The following CLCN3 variants were observed in gnomAD, a reference collection of about 807,000 sequenced individuals.
The protein encoded by CLCN3 is H(+)/Cl(-) exchange transporter 3.
In CLCN3, 16 loss-of-function variants were observed where a neutral mutation model predicts 83.4. That is an observed-to-expected ratio of 0.19 (90% CI 0.13 to 0.29). The LOEUF (loss-of-function observed/expected upper bound fraction) is 0.29. Among genes scored for constraint, CLCN3 ranks in the 10% least tolerant of loss-of-function variants. The pLI is 1.00. For missense variants in CLCN3, 544 were observed against 1,006.0 expected (o/e 0.54, Z 6.21); for synonymous variants, 322 against 346.2 (o/e 0.93, Z 0.78).
chr4:169,681,015 G>A (rs1731916032), intron 3 of CLCN3, among the ~76,000 whole-genome samples: 1 of 151,928 alleles, frequency 6.6e-6, no homozygotes, highest in South Asian at 2.1e-4. Context: ...TGCCTGGCTA[G>A]TTTTTATACA....
rs556220177 is a variant in CLCN3 at position 169,670,534 on chromosome 4, G to A, written c.161-9516G>A. Among the ~76,000 whole-genome samples the A allele has an allele frequency of 1.8e-4, 28 of 152,280 alleles. 1 individual carries two copies. The South Asian group carries it at 5.8e-3, about 32-fold the overall frequency. The stretch of plus-strand genomic sequence containing the variant: ...GTTACTGAGCCTTGTAGTATAGTTT[G>A]AAGTCAGGTAGTATGATGCCTCCAG... On this transcript the variant is annotated intron_variant, in intron 2 of 12. Transcript: ENST00000513761.
chr4:169,710,645 A>G (rs1184760865), intron 11 of CLCN3, among the ~76,000 whole-genome samples: 1 of 152,234 alleles, frequency 6.6e-6, no homozygotes, highest in Non-Finnish European at 1.5e-5. Context: ...TATAAGAGAA[A>G]CATTCCATTA....
chr4:169,675,877 A>G (rs55638949), intron 2 of CLCN3, among the ~76,000 whole-genome samples: 19,888 of 152,126 alleles, frequency 0.13, 1,456 homozygotes, highest in East Asian at 0.17. Flanking sequence ...TCATTGCTCT[A>G]TTTACTTAAA....
At chr4:169,680,958 C>T (rs1486823661) in intron 3 of CLCN3, among the ~76,000 whole-genome samples, 2 of 152,168 alleles carry the variant, frequency 1.3e-5, no homozygotes, top group Non-Finnish European at 2.9e-5. Context: ...AAGCGATGCT[C>T]CTGCCTCAGC....
intron 12 of CLCN3, 27 bp from the exon 13 acceptor site, chr4:169,719,880 T>C (rs1308839089): frequency 8.3e-6 from 13 of 1,572,544 alleles, no homozygotes; most frequent in Non-Finnish European, 1.1e-5. Flanking sequence ...TTTTATTTCA[T>C]AGGAGTCTTC....
intron 11 of CLCN3, among the ~76,000 whole-genome samples, chr4:169,708,105 G>A (rs1211037693): frequency 6.6e-6 from 1 of 152,156 alleles, no homozygotes; most frequent in East Asian, 1.9e-4. Context: ...ACCCTGAATG[G>A]AAGTGTCAAG....
At chr4:169,692,066 C>T in intron 6 of CLCN3, 48 bp from the exon 7 acceptor site, 1 of 1,174,692 alleles carries the variant, frequency 8.5e-7, no homozygotes, top group Non-Finnish European at 1.3e-6. Flanking sequence ...TCGTTACATT[C>T]TCATGTTTCT....
intron 2 of CLCN3, among the ~76,000 whole-genome samples, chr4:169,644,834 G>A (rs1199459725): frequency 6.6e-6 from 1 of 152,144 alleles, no homozygotes; most frequent in Non-Finnish European, 1.5e-5. Context: ...CTTAAAAGAG[G>A]GAGGCAGGAG....
chr4:169,681,734 C>T (rs1050476359), intron 3 of CLCN3, among the ~76,000 whole-genome samples: 1 of 152,046 alleles, frequency 6.6e-6, no homozygotes, highest in African/African-American at 2.4e-5. Flanking sequence ...TTAAAAATAA[C>T]AGTAACAAAA....
chr4:169,686,653 G>C (rs1267032826), intron 3 of CLCN3, among the ~76,000 whole-genome samples: 2 of 152,156 alleles, frequency 1.3e-5, no homozygotes, highest in Non-Finnish European at 2.9e-5. Context: ...CTGACCTCGT[G>C]ATCCACCTGC....
At chr4:169,660,933 T>G (rs1362827850) in intron 2 of CLCN3, among the ~76,000 whole-genome samples, 1 of 152,196 alleles carries the variant, frequency 6.6e-6, no homozygotes, top group Non-Finnish European at 1.5e-5. Context: ...TTTAGAACAT[T>G]TTAAAATGAT....
intron 2 of CLCN3, among the ~76,000 whole-genome samples, chr4:169,654,408 G>T (rs1055255542): frequency 6.6e-6 from 1 of 151,672 alleles, no homozygotes; most frequent in African/African-American, 2.4e-5. Context: ...ATTAATTTCT[G>T]ATCTTCTACT....
At chr4:169,672,705 C>T (rs1374750274) in intron 2 of CLCN3, among the ~76,000 whole-genome samples, 1 of 151,984 alleles carries the variant, frequency 6.6e-6, no homozygotes, top group Admixed American at 6.6e-5. Flanking sequence ...GCTCTGTCAC[C>T]CAGGCTAGAG....
intron 9 of CLCN3, among the ~76,000 whole-genome samples, chr4:169,700,877 C>G (rs1732759685): frequency 6.6e-6 from 1 of 152,102 alleles, no homozygotes; most frequent in Non-Finnish European, 1.5e-5. Flanking sequence ...CTAAAAAATG[C>G]TAATAGTAAT....
rs527627029 is a variant in CLCN3, at chr4:169,620,635, A to G, written c.-445A>G. 7 of 397,120 alleles carry G rather than the reference A, an allele frequency of 1.8e-5. No individual in the cohort carries two copies. The highest frequency in any genetic ancestry group is 2.8e-4 in the South Asian group (2 of 7,082). The allele number at this position is 397,120 out of a possible 1,614,324, so 24.6% of individuals were successfully genotyped here. ...GTCCGGAACCTGCAGCCCCTTTCCC[A>G]GTGTTCTAGTTCGCCCGTGACCCGG... On this transcript the variant is annotated 5_prime_UTR_variant, in exon 1 of 13. Transcript: ENST00000513761.
At chr4:169,682,387 C>G (rs1036426630) in intron 3 of CLCN3, among the ~76,000 whole-genome samples, 3 of 152,126 alleles carry the variant, frequency 2.0e-5, no homozygotes, top group Non-Finnish European at 4.4e-5. Context: ...AACAAATACA[C>G]ATTTATTTAA....
At chr4:169,636,128 T>A (rs778937013) in intron 2 of CLCN3, 40 bp downstream of exon 2, 2 of 1,534,622 alleles carry the variant, frequency 1.3e-6, no homozygotes, top group African/African-American at 2.8e-5. Flanking sequence ...TATTCATGAA[T>A]ATCCACTAAT....
rs1469236948 is a variant in CLCN3 at position 169,720,675 on chromosome 4, G to A, written c.*678G>A. 6.6e-6 allele frequency: 1 copy of A among 152,508 alleles called. No homozygotes were observed. Among genetic ancestry groups the A allele is most frequent in the Admixed American group, 6.6e-5 (1 of 15,260 alleles). 9.4% of individuals were successfully genotyped at this position (152,508 alleles called of 1,614,324 possible). ...TCATCACAAGAAGGGAGTGTTTCTT[G>A]TGCCATTAACCATGTAGTTTGTACC... On this transcript the variant is annotated 3_prime_UTR_variant, in exon 13 of 13. Transcript: ENST00000513761.
chr4:169,698,401 G>GTC (rs111838822), intron 9 of CLCN3, among the ~76,000 whole-genome samples: 1 of 151,946 alleles, frequency 6.6e-6, no homozygotes, highest in Non-Finnish European at 1.5e-5. Context: ...CACTCCCGCT[G>GTC]TCTCTCTCTC....
Sources: gnomAD v4.1 joint callset for allele counts (sites outside exome capture counted in the v4.1 genomes callset) on GRCh38, gnomAD v4.1.1 for gene constraint, MANE v1.5 for transcripts, NCBI Gene and HGNC (gene_info 2026-07-23, HGNC 2026-07-21) for gene names.